Variants in MRPL2 observed in about 807,000 individuals in gnomAD.
MRPL2 encodes mitochondrial ribosomal protein L2.
Under a neutral mutation model 34.6 loss-of-function variants are expected in MRPL2, and 27 were observed. The ratio of observed to expected loss-of-function variants is 0.78; its 90% CI spans 0.58 to 1.08. The LOEUF (loss-of-function observed/expected upper bound fraction) is 1.08. MRPL2 is among the 50% of genes least tolerant of loss of function. The pLI is 0.00. For synonymous variants in MRPL2, 155 were observed against 158.0 expected (o/e 0.98, Z 0.14); for missense variants, 414 against 419.3 (o/e 0.99, Z 0.11).
At chr6:43,058,930 C>T in intron 1 of MRPL2, 1 of 562,566 alleles carries the variant, frequency 1.8e-6, no homozygotes, top group Non-Finnish European at 3.1e-6. Flanking sequence ...CCTTATTTTC[C>T]TCATCTATAA....
At chr6:43,058,462 T>A (rs1764959147) in intron 1 of MRPL2, among the ~76,000 whole-genome samples, 1 of 152,148 alleles carries the variant, frequency 6.6e-6, no homozygotes, top group Non-Finnish European at 1.5e-5. Context: ...AGGAATCTGT[T>A]TTTACCTAAA....
chr6:43,056,375 G>A lies in MRPL2; in HGVS notation c.336C>T (p.Phe112=). Residue 112 remains phenylalanine (F), a synonymous_variant, in exon 3 of 7, where the codon TTC becomes TTT. Coordinates refer to ENST00000388752, the MANE Select transcript of MRPL2 (RefSeq NM_015950.5). ...QRYRMIDFLR[F]RPEETKSGPF... Reference sequence around the variant, plus strand: ...GTCCTGACTTGGTCTCCTCAGGCCGGAAACGCAGAAAGTCAATCATTCGAT... The same window carrying A: ...GTCCTGACTTGGTCTCCTCAGGCCGAAAACGCAGAAAGTCAATCATTCGAT... 2.5e-6 allele frequency: 4 copies of A among 1,614,184 alleles called. No individual in the cohort carries two copies.
Position 43,054,262 on chromosome 6 carries a change from A to C in MRPL2, c.*12T>G, listed in dbSNP as rs748912908. On this transcript the variant is annotated 3_prime_UTR_variant, in exon 7 of 7. Transcript: ENST00000388752. The stretch of plus-strand genomic sequence containing the variant: ...ACGGGGGGGGGGGGCATTTTATTAG[A>C]GTACAGGGATATCAGCTTTGGGCAG... The C allele has an allele frequency of 2.8e-5, 36 of 1,273,362 alleles. No individual in the cohort carries two copies. In the South Asian group the frequency reaches 4.3e-4, roughly 15 times the overall value. The allele number at this position is 1,273,362 out of a possible 1,614,324, so 78.9% of individuals were successfully genotyped here. A position where few individuals can be genotyped will look rare whatever the true frequency, so the allele number is the denominator to read the frequency against.
chr6:43,058,457 T>A (rs774652691), intron 1 of MRPL2, among the ~76,000 whole-genome samples: 1 of 152,208 alleles, frequency 6.6e-6, no homozygotes, highest in Non-Finnish European at 1.5e-5. Flanking sequence ...TCTCCAGGAA[T>A]CTGTTTTTAC....
At chr6:43,054,692 C>G (rs1413640981) in intron 6 of MRPL2, among the ~76,000 whole-genome samples, 1 of 152,232 alleles carries the variant, frequency 6.6e-6, no homozygotes, top group Admixed American at 6.5e-5. Flanking sequence ...AATCCCAGCA[C>G]TTTGGGAGGC....
chr6:43,055,877 G>A lies in MRPL2; in HGVS notation c.631+20C>T. 1 of 1,601,314 alleles carries A rather than the reference G, an allele frequency of 6.2e-7. No homozygotes were observed. The highest frequency in any genetic ancestry group is 8.5e-7 in the Non-Finnish European group (1 of 1,171,816). On this transcript the variant is annotated intron_variant, in intron 5 of 6. Coordinates refer to ENST00000388752, the MANE Select transcript of MRPL2 (RefSeq NM_015950.5). Reference sequence around the variant, plus strand: ...TTGCCTTTCCAAACTATAGGACCCAGGCAACTCCTTTCCCCATACCTGCAG... The same window carrying A: ...TTGCCTTTCCAAACTATAGGACCCAAGCAACTCCTTTCCCCATACCTGCAG...
In MRPL2 at chr6:43,054,458, C is replaced by T. The variant is rs1764753259; in HGVS notation, c.734G>A (p.Gly245Asp). The change falls in exon 7 of 7, where the codon GGC becomes GAC. Residue 245 changes from glycine to aspartate, a missense_variant. Physicochemically the swap from Gly to Asp is moderately conservative, Grantham distance 94 (BLOSUM62 -1). Coordinates refer to ENST00000388752, the MANE Select transcript of MRPL2 (RefSeq NM_015950.5). ...QVLETCVATVGRVSNVDHNKR... is the reference protein window; with the variant it reads ...QVLETCVATVDRVSNVDHNKR... ...GTTATGATCAACGTTGGATACTCGG[C>T]CTACTGTTGCTACGCACGTTTCCAG... The T allele has an allele frequency of 6.2e-7, 1 of 1,614,084 alleles. No homozygotes were observed. The highest frequency in any genetic ancestry group is 8.5e-7 in the Non-Finnish European group (1 of 1,180,044).
In MRPL2 at chr6:43,054,250, GCA is replaced by G. The variant is rs753502291; in HGVS notation, c.*22_*23del. 5.5e-6 allele frequency: 7 copies of G among 1,270,466 alleles called. No individual in the cohort carries two copies. In the South Asian group the frequency reaches 9.9e-5, roughly 18 times the overall value. 78.7% of individuals were successfully genotyped at this position (1,270,466 alleles called of 1,614,324 possible). A position where few individuals can be genotyped will look rare whatever the true frequency, so the allele number is the denominator to read the frequency against. ...TAACAGATTAAAACGGGGGGGGGGGGCATTTTATTAGAGTACAGGGATATCAG... is the reference window on the plus strand; with the variant it reads ...TAACAGATTAAAACGGGGGGGGGGGGTTTTATTAGAGTACAGGGATATCAG... On this transcript the variant is annotated 3_prime_UTR_variant, in exon 7 of 7. Coordinates refer to ENST00000388752, the MANE Select transcript of MRPL2 (RefSeq NM_015950.5).
At chr6:43,055,515 C>T (rs932916190) in intron 6 of MRPL2, 30 bp downstream of exon 6, 20 of 1,603,436 alleles carry the variant, frequency 1.2e-5, no homozygotes, top group Non-Finnish European at 1.4e-5. Context: ...TCCTCCTTTG[C>T]TGACCCCTCC....
At chr6:43,056,581 G>A (rs1180824835) in intron 2 of MRPL2, 136 bp from the exon 3 acceptor site, 1 of 950,594 alleles carries the variant, frequency 1.1e-6, no homozygotes, top group East Asian at 2.6e-5. Context: ...AATTTGCACA[G>A]CACACTGGAG....
In MRPL2 at chr6:43,058,207, C is replaced by T. The variant is rs1348034956; in HGVS notation, c.123G>A (p.Gln41=). 3 of 1,614,134 alleles carry T rather than the reference C, an allele frequency of 1.9e-6. No homozygotes were observed. The highest frequency in any genetic ancestry group is 2.5e-6 in the Non-Finnish European group (3 of 1,180,014). Residue 41 remains glutamine, a synonymous_variant, in exon 2 of 7, where the codon CAG becomes CAA. Transcript: ENST00000388752. ...AGGGGAGCAACATCAAGGCAGAGGGCTGTTGGAGGAGGCCATTGTTCATCA... is the reference window on the plus strand; with the variant it reads ...AGGGGAGCAACATCAAGGCAGAGGGTTGTTGGAGGAGGCCATTGTTCATCA... ...AQMMNNGLLQ[Q]PSALMLLPCR...
intron 5 of MRPL2, 71 bp downstream of exon 5, chr6:43,055,826 T>A (rs1356025363): frequency 3.5e-6 from 5 of 1,442,346 alleles, no homozygotes; most frequent in Non-Finnish European, 4.7e-6. Flanking sequence ...CAGTACCAGA[T>A]GTGGAACCAT....
At chr6:43,055,498 C>T (rs762907915) in intron 6 of MRPL2, 47 bp downstream of exon 6, 1 of 1,589,144 alleles carries the variant, frequency 6.3e-7, no homozygotes, top group Non-Finnish European at 8.6e-7. Flanking sequence ...AGTTACATTC[C>T]AAAAATTCCT....
intron 2 of MRPL2, among the ~76,000 whole-genome samples, chr6:43,057,216 T>C (rs1011561456): frequency 1.3e-5 from 2 of 152,028 alleles, no homozygotes; most frequent in African/African-American, 4.8e-5. Context: ...AGTCTCGCTC[T>C]GTCACCTGGG....
At chr6:43,057,848 A>G in intron 2 of MRPL2, 1 of 486,104 alleles carries the variant, frequency 2.1e-6, no homozygotes, top group Non-Finnish European at 3.6e-6. Flanking sequence ...ATTTTCTTCA[A>G]TTACCCAAAT....
chr6:43,055,793 GT>G, intron 5 of MRPL2, 103 bp downstream of exon 5: 1 of 1,310,602 alleles, frequency 7.6e-7, no homozygotes, highest in Non-Finnish European at 1.1e-6. Flanking sequence ...CCTCATGTTT[GT>G]TTTTTCCTTA....
At chr6:43,059,852 TAGAC>T (rs978477708), upstream of MRPL2, 13 of 1,187,408 alleles carry the variant, frequency 1.1e-5, no homozygotes, top group South Asian at 2.3e-5. Flanking sequence ...TCCAGACAGA[TAGAC>T]AGACGACCTG....
Position 43,054,505 on chromosome 6 carries a change from G to T in MRPL2, c.706-19C>A. 4 of 1,607,698 alleles carry T rather than the reference G, an allele frequency of 2.5e-6. No homozygotes were observed. The highest frequency in any genetic ancestry group is 1.7e-6 in the Non-Finnish European group (2 of 1,174,740). On this transcript the variant is annotated intron_variant, in intron 6 of 6. Transcript: ENST00000388752. ...CCAGCACCTGACAGAGAAAACAGATGGAGATTCTGTACAATGGGGGGGAAA... is the reference window on the plus strand; with the variant it reads ...CCAGCACCTGACAGAGAAAACAGATTGAGATTCTGTACAATGGGGGGGAAA...
chr6:43,056,224 G>A (rs763465453), intron 3 of MRPL2, 28 bp from the exon 4 acceptor site: 4 of 1,612,420 alleles, frequency 2.5e-6, no homozygotes, highest in Non-Finnish European at 3.4e-6. Flanking sequence ...CAGGTAAGCA[G>A]ACCGTCTAGG....
Sources: allele counts gnomAD v4.1 joint callset (sites outside exome capture counted in the v4.1 genomes callset), GRCh38; gene constraint gnomAD v4.1.1; transcripts MANE v1.5; gene names NCBI Gene and HGNC (gene_info 2026-07-23, HGNC 2026-07-21).